Variants in USP6 observed in about 807,000 individuals in gnomAD.
USP6 encodes the protein ubiquitin carboxyl-terminal hydrolase 6.
A neutral mutation model predicts 175.7 loss-of-function variants in USP6; 128 were observed. That is an observed-to-expected ratio of 0.73 (90% CI 0.63 to 0.84). USP6 has a LOEUF of 0.84. Ranked by LOEUF, USP6 falls within the 40% of genes least tolerant of loss-of-function variation. USP6 has a pLI of 0.00. For synonymous variants in USP6, 562 were observed against 630.6 expected (o/e 0.89, Z 1.63); for missense variants, 1,498 against 1,760.3 (o/e 0.85, Z 2.67).
At chr17:5,153,449 G>A (rs1431147530) in intron 30 of USP6, among the ~76,000 whole-genome samples, 2 of 151,884 alleles carry the variant, frequency 1.3e-5, no homozygotes, top group Non-Finnish European at 2.9e-5. Flanking sequence ...ACCACGCCCG[G>A]CTAATTTTGT....
exon 38 of USP6, chr17:5,174,989 CTA>C (rs1334441464): frequency 2.2e-5 from 4 of 185,804 alleles, no homozygotes; most frequent in African/African-American, 7.0e-5. Flanking sequence ...GTGGTTGCCT[CTA>C]TGTGCTGTTT....
chr17:5,155,916 T>C (rs1354194930), intron 31 of USP6, among the ~76,000 whole-genome samples: 1 of 152,212 alleles, frequency 6.6e-6, no homozygotes, highest in Non-Finnish European at 1.5e-5. Context: ...GGATTCGTCC[T>C]GCTAATGCTT....
intron 13 of USP6, 108 bp downstream of exon 13, chr17:5,133,098 A>G (rs574855807): frequency 2.1e-5 from 27 of 1,316,782 alleles, no homozygotes; most frequent in Middle Eastern, 2.2e-4. Context: ...CGGGTGGCAC[A>G]CTGTCCTCGC....
chr17:5,133,921 A>G lies in USP6; in HGVS notation c.419A>G (p.His140Arg). 1 of 1,614,184 alleles carries G rather than the reference A, an allele frequency of 6.2e-7. No homozygotes were observed. The highest frequency in any genetic ancestry group is 1.1e-5 in the South Asian group (1 of 91,080). ...MKERGKRSSEHIHHIDLDVRT... is the reference protein window; with the variant it reads ...MKERGKRSSERIHHIDLDVRT... ...GAGAGGGGCAAGAGGTCATCTGAAC[A>G]CATCCACCACATCGACCTGGACGTG... The change falls in exon 15 of 38, where the codon CAC becomes CGC. Residue 140 changes from histidine to arginine, a missense_variant. This residue lies in a region of USP6 where 281 missense variants were observed against 259.6 expected (regional missense o/e 1.08). Coordinates refer to ENST00000574788, the MANE Select transcript of USP6 (RefSeq NM_001304284.2).
At chr17:5,152,070 C>T (rs1332978631) in intron 30 of USP6, among the ~76,000 whole-genome samples, 6 of 151,930 alleles carry the variant, frequency 3.9e-5, no homozygotes, top group African/African-American at 1.2e-4. Context: ...GGTGAAACTC[C>T]GTCTCTACTA....
At chr17:5,144,114 C>T (rs567370926) in intron 25 of USP6, among the ~76,000 whole-genome samples, 35 of 152,128 alleles carry the variant, frequency 2.3e-4, no homozygotes, top group African/African-American at 8.4e-4. Flanking sequence ...TTACCTCTTG[C>T]CAGGCACTAT....
In USP6 at chr17:5,135,269, C is replaced by G; in HGVS notation, c.530C>G (p.Ser177Trp). ...CTATTCTACATCCTCCTGGCCTATT[C>G]GGAGTATAACCCGGTGAGTATTCCC... ...RELFYILLAY[S>W]EYNPEVGYCR... Residue 177 changes from serine (S) to tryptophan (W), a missense_variant, in exon 16 of 38, where the codon TCG becomes TGG. This residue lies in a region of USP6 where 281 missense variants were observed against 259.6 expected (regional missense o/e 1.08). Transcript: ENST00000574788. 1.9e-6 allele frequency: 3 copies of G among 1,612,806 alleles called. No individual in the cohort carries two copies. The highest frequency in any genetic ancestry group is 2.5e-6 in the Non-Finnish European group (3 of 1,179,086).
chr17:5,170,198 A>G (rs1442625590), intron 35 of USP6, among the ~76,000 whole-genome samples: 1 of 152,216 alleles, frequency 6.6e-6, no homozygotes, highest in Non-Finnish European at 1.5e-5. Context: ...ATTTTTTTCA[A>G]CTGAATCATC....
intron 1 of USP6, among the ~76,000 whole-genome samples, chr17:5,117,778 C>A (rs1178475404): frequency 6.6e-6 from 1 of 151,924 alleles, no homozygotes; most frequent in African/African-American, 2.4e-5. Context: ...TGATGGTGGC[C>A]TCACTCTAAG....
intron 1 of USP6, among the ~76,000 whole-genome samples, chr17:5,116,963 G>A (rs1354527043): frequency 6.6e-6 from 1 of 152,208 alleles, no homozygotes; most frequent in East Asian, 1.9e-4. Context: ...CAAGAGGGCG[G>A]TGCCTACATT....
chr17:5,141,344 TTA>T, intron 22 of USP6, 79 bp from the exon 23 acceptor site: 3 of 1,285,996 alleles, frequency 2.3e-6, no homozygotes, highest in East Asian at 2.5e-5. Context: ...TAAGATGTCT[TTA>T]AAAAAAAAAA....
At chr17:5,167,169 GC>G (rs1196733321) in intron 33 of USP6, among the ~76,000 whole-genome samples, 1 of 152,096 alleles carries the variant, frequency 6.6e-6, no homozygotes, top group Non-Finnish European at 1.5e-5. Context: ...GCTTTTCTGT[GC>G]CCTCATTTCA....
chr17:5,140,273 A>T (rs1247622070), intron 22 of USP6, among the ~76,000 whole-genome samples: 1 of 152,218 alleles, frequency 6.6e-6, no homozygotes, highest in African/African-American at 2.4e-5. Context: ...CATGGCCCAT[A>T]AAAAATTTAG....
In USP6 at chr17:5,172,859, C is replaced by G. The variant is rs1234248847; in HGVS notation, c.4102C>G (p.Gln1368Glu). 1 of 1,613,910 alleles carries G rather than the reference C, an allele frequency of 6.2e-7. No individual in the cohort carries two copies. The highest frequency in any genetic ancestry group is 1.1e-5 in the South Asian group (1 of 91,064). The change falls in exon 38 of 38, where the codon CAG becomes GAG. Residue 1368 changes from glutamine (Q) to glutamate (E), a missense_variant. Gln to Glu is a conservative substitution (Grantham distance 29). Transcript: ENST00000574788. ...CTCTGCCTACATTCTTTTCTATGAG[C>G]AGCAGGGGATAGACTACGCACAATT... ...TDSAYILFYE[Q>E]QGIDYAQFLP...
In USP6 at chr17:5,145,702, G is replaced by A. The variant is rs185998908; in HGVS notation, c.2167+123G>A. 1.8e-5 allele frequency: 24 copies of A among 1,304,178 alleles called. No homozygotes were observed. In the African/African-American group the frequency reaches 1.8e-4, roughly 10 times the overall value. 80.8% of individuals were successfully genotyped at this position (1,304,178 alleles called of 1,614,324 possible). On this transcript the variant is annotated intron_variant, in intron 27 of 37. Transcript: ENST00000574788. ...GACTGGTAGTCAGCATATTATAATC[G>A]AGCAACCTAATTTTAGGCATGACTT... is the stretch of plus-strand genomic sequence containing the variant.
chr17:5,141,345 TAAA>T (rs879209875), intron 22 of USP6, 77 bp from the exon 23 acceptor site: 32 of 1,056,420 alleles, frequency 3.0e-5, no homozygotes, highest in Non-Finnish European at 3.9e-5. Flanking sequence ...AAGATGTCTT[TAAA>T]AAAAAAAAAC....
Position 5,155,619 on chromosome 17 carries a change from G to C in USP6, c.2828+13G>C. On this transcript the variant is annotated intron_variant, in intron 31 of 37. Transcript: ENST00000574788. The stretch of plus-strand genomic sequence containing the variant: ...ATGCCCAGGATCGGTGAGTTCAGGG[G>C]ATCCATCTAAACCTGTGGTTTCCAA... 1 of 1,612,192 alleles carries C rather than the reference G, an allele frequency of 6.2e-7. No individual in the cohort carries two copies. Among genetic ancestry groups the C allele is most frequent in the South Asian group, 1.1e-5 (1 of 90,826 alleles).
intron 15 of USP6, chr17:5,134,913 C>T (rs780576383): frequency 2.4e-4 from 85 of 360,866 alleles, no homozygotes; most frequent in Non-Finnish European, 3.8e-4. Flanking sequence ...GGGGCTGGAG[C>T]GGTGGCCGGG....
chr17:5,134,247 G>T (rs940810192), intron 15 of USP6: 2 of 504,046 alleles, frequency 4.0e-6, no homozygotes, highest in Non-Finnish European at 7.2e-6. Context: ...AAAATCACAC[G>T]CAATGGTGAA....
Sources: gnomAD v4.1 joint callset for allele counts (sites outside exome capture counted in the v4.1 genomes callset) on GRCh38, gnomAD v4.1.1 for gene constraint, gnomAD v4.1.1 regional missense constraint, MANE v1.5 for transcripts, NCBI Gene and HGNC (gene_info 2026-07-23, HGNC 2026-07-21) for gene names.